The following LTA4H variants were observed in gnomAD, a reference collection of about 807,000 sequenced individuals.
LTA4H encodes leukotriene A-4 hydrolase.
A neutral mutation model predicts 89.8 loss-of-function variants in LTA4H; 59 were observed. The observed-to-expected ratio is 0.66, with a 90% CI of 0.53 to 0.82. The LOEUF is 0.82. Among genes scored for constraint, LTA4H ranks in the 40% least tolerant of loss-of-function variants. The pLI is 0.00. For synonymous variants in LTA4H, 227 were observed against 253.1 expected (o/e 0.90, Z 0.98); for missense variants, 617 against 727.0 (o/e 0.85, Z 1.74).
At chr12:96,030,143 T>C (rs1007676914) in intron 1 of LTA4H, among the ~76,000 whole-genome samples, 1 of 152,222 alleles carries the variant, frequency 6.6e-6, no homozygotes. Flanking sequence ...GACTATGTCA[T>C]CTGGTTAAAA....
chr12:96,043,482 C>A, exon 1 of LTA4H: 1 of 704,540 alleles, frequency 1.4e-6, no homozygotes, highest in South Asian at 1.7e-5. Flanking sequence ...AAACATGCGC[C>A]TGTAGTCCCA....
chr12:96,005,445 T>G lies in LTA4H; in HGVS notation c.1530+869A>C, dbSNP rs141005542. ...TTTAAAATCTTTTCCTACTGATCAG[T>G]GTAAGATCTAAAATTTCTTAGCTTA... On this transcript the variant is annotated intron_variant, in intron 16 of 18. Coordinates refer to ENST00000228740, the MANE Select transcript of LTA4H (RefSeq NM_000895.3). Among the ~76,000 whole-genome samples the G allele has an allele frequency of 2.8e-3, 426 of 152,304 alleles. 1 individual carries two copies. Among genetic ancestry groups the G allele is most frequent in the African/African-American group, 9.7e-3 (404 of 41,566 alleles).
rs1295857832 is a variant in LTA4H at position 96,030,709 on chromosome 12, T to C, written c.160-1524A>G. On this transcript the variant is annotated intron_variant, in intron 1 of 18. Transcript: ENST00000228740. ...CCAGATCTCCCTACCTCTGGCATTATTTTTTTCCTTTTCTGAAATCTGACC... is the reference window on the plus strand; with the variant it reads ...CCAGATCTCCCTACCTCTGGCATTACTTTTTTCCTTTTCTGAAATCTGACC... Among the ~76,000 whole-genome samples, 5 of 152,282 alleles carry C rather than the reference T, an allele frequency of 3.3e-5. No homozygotes were observed. The East Asian group carries it at 7.7e-4, about 23-fold the overall frequency.
intron 14 of LTA4H, chr12:96,011,600 A>G (rs1221641871): frequency 6.6e-6 from 1 of 152,200 alleles, no homozygotes; most frequent in Non-Finnish European, 1.5e-5. Context: ...TAAAAAAAAT[A>G]CTTTTCATTG....
intron 15 of LTA4H, among the ~76,000 whole-genome samples, chr12:96,007,744 G>C (rs532166203): frequency 1.1e-4 from 16 of 152,260 alleles, no homozygotes; most frequent in African/African-American, 3.6e-4. Context: ...GAAATTAGTA[G>C]CAGTTTTAAC....
In LTA4H at chr12:96,022,049, T is replaced by C; in HGVS notation, c.585+98A>G. The C allele has an allele frequency of 1.4e-6, 1 of 717,116 alleles. No individual in the cohort carries two copies. Among genetic ancestry groups the C allele is most frequent in the Non-Finnish European group, 2.4e-6 (1 of 417,640 alleles). 44.4% of individuals were successfully genotyped at this position (717,116 alleles called of 1,614,324 possible). A position where few individuals can be genotyped will look rare whatever the true frequency, so the allele number is the denominator to read the frequency against. On this transcript the variant is annotated intron_variant, in intron 5 of 18. Transcript: ENST00000228740. This position sits in a 1 kb window ranked among gnomAD's most constrained non-coding sequence, Gnocchi z 4.0. ...AAAAACCAAAAGCTGTTCTCAAAAT[T>C]CTGAAATATTTCAAAAGTAATTTTG...
Position 96,018,832 on chromosome 12 carries a change from G to C in LTA4H, c.783C>G (p.Val261=). 1 of 1,605,758 alleles carries C rather than the reference G, an allele frequency of 6.2e-7. No individual in the cohort carries two copies. The highest frequency in any genetic ancestry group is 8.5e-7 in the Non-Finnish European group (1 of 1,177,204). Residue 261 remains valine (V), a synonymous_variant, in exon 8 of 19, where the codon GTC becomes GTG. Transcript: ENST00000228740. ...PYVWGQYDLL[V]LPPSFPYGGM... is the part of the protein sequence containing the mutation. ...CACCATAAGGGAAGGATGGTGGCAG[G>C]ACCAATAGGTCATACTGTCCCCATA...
At position 96,001,126 on chromosome 12, in the gene LTA4H, TGAAAA is replaced by T. The variant is rs574334193; in HGVS notation, c.1719-25_1719-21del. ...AGATCCCTGCCAAAAAAGAAAAAATTGAAAAGAAAGAAAGGCGAGAAGGAGACAGA... is the reference window on the plus strand; with the variant it reads ...AGATCCCTGCCAAAAAAGAAAAAATTGAAAGAAAGGCGAGAAGGAGACAGA... On this transcript the variant is annotated intron_variant, in intron 18 of 18. Coordinates refer to ENST00000228740, the MANE Select transcript of LTA4H (RefSeq NM_000895.3). The T allele has an allele frequency of 9.4e-5, 143 of 1,522,316 alleles. 1 individual carries two copies. Among genetic ancestry groups the T allele is most frequent in the African/African-American group, 7.2e-4 (52 of 71,846 alleles). 94.3% of individuals were successfully genotyped at this position (1,522,316 alleles called of 1,614,324 possible).
Position 96,021,198 on chromosome 12 carries a change from G to A in LTA4H, c.586-61C>T, listed in dbSNP as rs17025074. On this transcript the variant is annotated intron_variant, in intron 5 of 18. Transcript: ENST00000228740. The stretch of plus-strand genomic sequence containing the variant: ...CATTAGTGTTCACAAATGTTACACA[G>A]TAAGACAATTCATATTTAAAAGTAA... The A allele has an allele frequency of 7.4e-3, 9,120 of 1,234,358 alleles. 64 individuals carry two copies. The highest frequency in any genetic ancestry group is 0.021 in the Middle Eastern group (107 of 5,210). The allele number at this position is 1,234,358 out of a possible 1,614,324, so 76.5% of individuals were successfully genotyped here.
intron 1 of LTA4H, among the ~76,000 whole-genome samples, chr12:96,034,850 A>T (rs1220535110): frequency 6.6e-6 from 1 of 152,190 alleles, no homozygotes; most frequent in East Asian, 1.9e-4. Flanking sequence ...TCGACAGGAC[A>T]TGGGATCTGA....
intron 10 of LTA4H, 30 bp from the exon 11 acceptor site, chr12:96,015,724 G>A (rs748369665): frequency 1.4e-5 from 18 of 1,279,320 alleles, no homozygotes; most frequent in Middle Eastern, 1.8e-4. Context: ...ATAAAAACAC[G>A]GACACAGCTG....
intron 1 of LTA4H, among the ~76,000 whole-genome samples, chr12:96,033,708 A>G (rs1284475419): frequency 2.0e-5 from 3 of 152,064 alleles, no homozygotes; most frequent in Non-Finnish European, 4.4e-5. Context: ...TCCCTCCCCT[A>G]GGCCCCTACC....
chr12:96,004,151 C>A (rs561592997), intron 16 of LTA4H, among the ~76,000 whole-genome samples: 1 of 152,270 alleles, frequency 6.6e-6, no homozygotes, highest in South Asian at 2.1e-4. Context: ...GTGAAGTATT[C>A]AGCATTAAAT....
Position 96,006,426 on chromosome 12 carries a change from C to G in LTA4H, c.1435-17G>C. 6.8e-7 allele frequency: 1 copy of G among 1,478,098 alleles called. No individual in the cohort carries two copies. 91.6% of individuals were successfully genotyped at this position (1,478,098 alleles called of 1,614,324 possible). On this transcript the variant is annotated splice_polypyrimidine_tract_variant and intron_variant, in intron 15 of 18. Transcript: ENST00000228740. ...TTCTTTGGCCTGAAATAAATGTTAC[C>G]TAGTTATTTTTGTTCAAGTACAATT...
In LTA4H at chr12:96,018,920, T is replaced by C. The variant is rs551351677; in HGVS notation, c.712-17A>G. On this transcript the variant is annotated splice_polypyrimidine_tract_variant and intron_variant, in intron 7 of 18. Transcript: ENST00000228740. ...AGATTCAGTCTGAAAAATCAACATA[T>C]ATATGTCTGTATGCCTTAATTATCA... 25 of 1,556,442 alleles carry C rather than the reference T, an allele frequency of 1.6e-5. No individual in the cohort carries two copies. The South Asian group carries it at 2.9e-4, about 18-fold the overall frequency.
intron 11 of LTA4H, 49 bp from the exon 12 acceptor site, chr12:96,015,048 AC>A (rs779663227): frequency 1.9e-6 from 3 of 1,565,452 alleles, no homozygotes; most frequent in Admixed American, 1.8e-5. Context: ...GACTGCTATC[AC>A]CACGCAAATA....
chr12:96,006,141 A>G (rs1192432284), intron 16 of LTA4H, among the ~76,000 whole-genome samples, 173 bp downstream of exon 16: 1 of 152,218 alleles, frequency 6.6e-6, no homozygotes, highest in Admixed American at 6.5e-5. Context: ...CATATTTAGC[A>G]CAATATAAAA....
At chr12:96,021,871 G>GAACA (rs1950457257) in intron 5 of LTA4H, among the ~76,000 whole-genome samples, 2 of 152,106 alleles carry the variant, frequency 1.3e-5, no homozygotes, top group African/African-American at 4.8e-5. Context: ...GAACTCAAAA[G>GAACA]AACAGGAAGC....
chr12:96,003,359 C>A (rs1042705638), intron 17 of LTA4H, among the ~76,000 whole-genome samples: 4 of 152,002 alleles, frequency 2.6e-5, no homozygotes, highest in Non-Finnish European at 4.4e-5. Context: ...AGGAATTAAA[C>A]TTTGGTTTAA....
Sources: gnomAD v4.1 joint callset for allele counts (sites outside exome capture counted in the v4.1 genomes callset) on GRCh38, gnomAD v4.1.1 for gene constraint, Gnocchi (gnomAD v3.1) non-coding constraint, MANE v1.5 for transcripts, NCBI Gene and HGNC (gene_info 2026-07-23, HGNC 2026-07-21) for gene names.